The following FNTB variants were observed in gnomAD, a reference collection of about 807,000 sequenced individuals.
FNTB encodes the protein farnesyltransferase, CAAX box, subunit beta.
A neutral mutation model predicts 59.4 loss-of-function variants in FNTB; 27 were observed. The ratio of observed to expected loss-of-function variants is 0.45; its 90% CI spans 0.34 to 0.63. FNTB has a LOEUF of 0.63. FNTB is among the 20% of genes least tolerant of loss of function. The pLI is 0.02. For synonymous variants in FNTB, 230 were observed against 220.7 expected, an observed-to-expected ratio of 1.04 and a Z score of -0.37; for missense variants, 449 against 559.6, an observed-to-expected ratio of 0.80 and a Z score of 1.99.
At chr14:65,013,425 A>G (rs762759946) in intron 3 of FNTB, among the ~76,000 whole-genome samples, 1 of 151,724 alleles carries the variant, frequency 6.6e-6, no homozygotes, top group Non-Finnish European at 1.5e-5. Flanking sequence ...ATACACATCC[A>G]TGGGCTAGAT....
rs1382658005 is a variant in FNTB, at chr14:65,047,339, A to G, written c.955+2896A>G. ...CTGATTGGCACTCACAAGGGTTAGTATGTGGTTGTGTGAATCCAGACTAGC... is the reference window on the plus strand; with the variant it reads ...CTGATTGGCACTCACAAGGGTTAGTGTGTGGTTGTGTGAATCCAGACTAGC... On this transcript the variant is annotated intron_variant, in intron 9 of 11. Transcript: ENST00000246166. The surrounding 1 kb of genome is among the most constrained non-coding windows in gnomAD (Gnocchi z 5.2). Among the ~76,000 whole-genome samples, 1 of 152,270 alleles carries G rather than the reference A, an allele frequency of 6.6e-6. No individual in the cohort carries two copies. The highest frequency in any genetic ancestry group is 1.5e-5 in the Non-Finnish European group (1 of 68,050).
intron 1 of FNTB, among the ~76,000 whole-genome samples, chr14:64,996,369 G>T (rs1888398130): frequency 6.6e-6 from 1 of 152,196 alleles, no homozygotes; most frequent in Non-Finnish European, 1.5e-5. Context: ...CCTGTCAGGA[G>T]CAGGGGTAAA....
intron 2 of FNTB, among the ~76,000 whole-genome samples, chr14:65,008,766 G>A (rs2061636623): frequency 6.6e-6 from 1 of 152,180 alleles, no homozygotes; most frequent in Non-Finnish European, 1.5e-5. Flanking sequence ...TAGTGTGGGT[G>A]GAGGCACATT....
chr14:65,004,600 G>C (rs879832073), intron 2 of FNTB, among the ~76,000 whole-genome samples: 9 of 152,084 alleles, frequency 5.9e-5, no homozygotes, highest in Admixed American at 5.9e-4. Flanking sequence ...CCAGGTTTTT[G>C]TTTAGTGGTG....
intron 2 of FNTB, among the ~76,000 whole-genome samples, chr14:65,006,725 T>G (rs1210289156): frequency 1.3e-5 from 2 of 152,224 alleles, no homozygotes; most frequent in Admixed American, 1.3e-4. Context: ...CCCTTTTCAC[T>G]TACCATCAGG....
In FNTB at chr14:65,030,955, G is replaced by T. The variant is rs189610560; in HGVS notation, c.606-1655G>T. 3.2e-3 allele frequency among the ~76,000 whole-genome samples: 484 copies of T among 152,036 alleles called. 2 individuals carry two copies. Among genetic ancestry groups the T allele is most frequent in the African/African-American group, 0.011 (459 of 41,462 alleles). On this transcript the variant is annotated intron_variant, in intron 6 of 11. Transcript: ENST00000246166. This position sits in a 1 kb window ranked among gnomAD's most constrained non-coding sequence, Gnocchi z 4.5. ...CCCAAGTAGCTGGGATTACAGGCGT[G>T]TGCCACCATGCCCAGCTAATTTTTG...
chr14:64,996,289 T>TAAGA (rs142047460), intron 1 of FNTB, among the ~76,000 whole-genome samples: 3 of 151,850 alleles, frequency 2.0e-5, no homozygotes, highest in Non-Finnish European at 4.4e-5. Context: ...ATCTCTATTA[T>TAAGA]AAGAAAGAAA....
intron 2 of FNTB, chr14:65,006,101 C>T (rs1471480955): frequency 1.9e-6 from 3 of 1,579,058 alleles, no homozygotes; most frequent in Non-Finnish European, 2.6e-6. Context: ...TCTCTAGGTA[C>T]TTCTGCTTAC....
intron 1 of FNTB, among the ~76,000 whole-genome samples, chr14:64,996,149 A>G (rs892927977): frequency 6.0e-5 from 9 of 150,672 alleles, no homozygotes; most frequent in Admixed American, 5.3e-4. Flanking sequence ...AAGAAAAAAG[A>G]AAAGAAACAA....
intron 9 of FNTB, among the ~76,000 whole-genome samples, chr14:65,045,214 A>C (rs988861534): frequency 2.6e-5 from 4 of 152,050 alleles, no homozygotes; most frequent in Admixed American, 6.5e-5. Flanking sequence ...GGTGTCTCTG[A>C]GTAGACCTGT....
At chr14:65,005,510 T>TC in intron 2 of FNTB, among the ~76,000 whole-genome samples, 6 of 68,924 alleles carry the variant, frequency 8.7e-5, no homozygotes, top group African/African-American at 2.9e-4. Context: ...TCTTTCTTTC[T>TC]TTCTCTCTCT....
At position 65,012,293 on chromosome 14, in the gene FNTB, C is replaced by G. The variant is rs1286889906; in HGVS notation, c.210-24C>G. On this transcript the variant is annotated intron_variant, in intron 2 of 11. Transcript: ENST00000246166. This position sits in a 1 kb window ranked among gnomAD's most constrained non-coding sequence, Gnocchi z 5.0. Reference sequence around the variant, plus strand: ...TGGAAGCATAAGCTATTAGAATGGGCTTATAAACTGTTTGTCTTTCCAGGC... The same window carrying G: ...TGGAAGCATAAGCTATTAGAATGGGGTTATAAACTGTTTGTCTTTCCAGGC... 7 of 1,613,702 alleles carry G rather than the reference C, an allele frequency of 4.3e-6. No individual in the cohort carries two copies. Among genetic ancestry groups the G allele is most frequent in the Non-Finnish European group, 5.1e-6 (6 of 1,179,814 alleles).
At chr14:65,006,617 C>T (rs1034053850) in intron 2 of FNTB, among the ~76,000 whole-genome samples, 2 of 152,170 alleles carry the variant, frequency 1.3e-5, no homozygotes, top group African/African-American at 4.8e-5. Context: ...GTTGTACCCC[C>T]GATGACTCAC....
chr14:65,005,521 CTT>C (rs72449695), intron 2 of FNTB, among the ~76,000 whole-genome samples: 29,070 of 108,654 alleles, frequency 0.27, 3,461 homozygotes, highest in African/African-American at 0.33. Context: ...TTCTCTCTCT[CTT>C]TCTCTTTCTC....
At chr14:65,037,880 A>C (rs1027467505) in intron 7 of FNTB, among the ~76,000 whole-genome samples, 12 of 150,996 alleles carry the variant, frequency 7.9e-5, no homozygotes, top group Non-Finnish European at 1.6e-4. Context: ...CCCAGGTTCA[A>C]GCGATTCTCC....
chr14:65,013,337 TC>T (rs937823402), intron 3 of FNTB, among the ~76,000 whole-genome samples: 11 of 151,634 alleles, frequency 7.3e-5, no homozygotes, highest in Admixed American at 5.3e-4. Flanking sequence ...TTTTTTTTTT[TC>T]TTCCTCCAAA....
chr14:65,054,479 G>A lies in FNTB; in HGVS notation c.1068-96G>A, dbSNP rs532897266. 2.4e-5 allele frequency: 30 copies of A among 1,231,890 alleles called. No homozygotes were observed. The highest frequency in any genetic ancestry group is 3.0e-5 in the African/African-American group (2 of 67,016). 76.3% of individuals were successfully genotyped at this position (1,231,890 alleles called of 1,614,324 possible). A position where few individuals can be genotyped will look rare whatever the true frequency, so the allele number is the denominator to read the frequency against. ...AGCCACATGGAGGATGGGGGGGGAC[G>A]TGTGATTGCACCAGTGGTCTCTGAA... On this transcript the variant is annotated intron_variant, in intron 10 of 11. Transcript: ENST00000246166. This position sits in a 1 kb window ranked among gnomAD's most constrained non-coding sequence, Gnocchi z 4.4.
At chr14:65,015,044 G>A (rs1397236499) in intron 3 of FNTB, among the ~76,000 whole-genome samples, 2 of 151,866 alleles carry the variant, frequency 1.3e-5, no homozygotes, top group Non-Finnish European at 2.9e-5. Context: ...GCCTGCCAGG[G>A]AGGGATCCAC....
At chr14:65,006,549 A>G (rs1595002822) in intron 2 of FNTB, among the ~76,000 whole-genome samples, 1 of 152,168 alleles carries the variant, frequency 6.6e-6, no homozygotes, top group African/African-American at 2.4e-5. Flanking sequence ...CAGAGGGGAC[A>G]AGACTTCATA....
Sources: gnomAD v4.1 joint callset for allele counts (sites outside exome capture counted in the v4.1 genomes callset) on GRCh38, gnomAD v4.1.1 for gene constraint, Gnocchi (gnomAD v3.1) non-coding constraint, MANE v1.5 for transcripts, NCBI Gene and HGNC (gene_info 2026-07-23, HGNC 2026-07-21) for gene names.